BRWD3: variants seen among roughly 807,000 people sequenced by gnomAD.
BRWD3 encodes bromodomain and WD repeat domain containing 3.
Under a neutral mutation model 149.7 loss-of-function variants are expected in BRWD3, and 10 were observed. That is an observed-to-expected ratio of 0.07 (90% CI 0.04 to 0.11). The LOEUF (loss-of-function observed/expected upper bound fraction) is 0.11. BRWD3 is among the 10% of genes least tolerant of loss of function. BRWD3 has a pLI of 1.00. For synonymous variants in BRWD3, 504 were observed against 456.7 expected (o/e 1.10, Z -1.32); for missense variants, 940 against 1,373.2 (o/e 0.68, Z 4.99).
chrX:80,791,309 C>T (rs758389387), intron 6 of BRWD3, among the ~76,000 whole-genome samples: 35 of 111,193 alleles, frequency 3.1e-4, no homozygotes, highest in Non-Finnish European at 2.5e-4. Flanking sequence ...TTTGTGAGGG[C>T]GAACTTTAAT....
chrX:80,774,575 T>C (rs1207507358), intron 6 of BRWD3, among the ~76,000 whole-genome samples: 1 of 111,820 alleles, frequency 8.9e-6, no homozygotes, highest in Non-Finnish European at 1.9e-5. Context: ...GCCTACATTT[T>C]CAACTACCTA....
chrX:80,769,680 G>A (rs772128420), intron 6 of BRWD3, among the ~76,000 whole-genome samples: 1 of 109,658 alleles, frequency 9.1e-6, no homozygotes, highest in East Asian at 2.9e-4. Context: ...ACAATTAAAA[G>A]AACTAGAGAA....
chrX:80,749,499 A>T (rs886406861), intron 6 of BRWD3, among the ~76,000 whole-genome samples: 2 of 111,599 alleles, frequency 1.8e-5, no homozygotes, highest in African/African-American at 6.5e-5. Flanking sequence ...TATAAAGAAA[A>T]CTACTCCTGT....
At position 80,671,017 on chromosome X, in the gene BRWD3, T is replaced by C. The variant is rs1172890633; in HGVS notation, c.*5592A>G. On this transcript the variant is annotated 3_prime_UTR_variant, in exon 41 of 41. Transcript: ENST00000373275. ...GTAACTATATAGTTATGAATGTTCC[T>C]GTTAGAGCATTCAGATCATCTCACC... The C allele has an allele frequency of 1.8e-5, 2 of 111,355 alleles. No homozygotes were observed. The highest frequency in any genetic ancestry group is 6.5e-5 in the African/African-American group (2 of 30,614). The allele number at this position is 111,355 out of a possible 1,213,427, so 9.2% of individuals were successfully genotyped here.
chrX:80,802,911 C>T (rs765060478), intron 4 of BRWD3, among the ~76,000 whole-genome samples: 1 of 110,544 alleles, frequency 9.0e-6, no homozygotes, highest in Admixed American at 9.7e-5. Context: ...CGAGACCATC[C>T]TGGCTAACAC....
At chrX:80,740,579 T>C (rs900892245) in intron 8 of BRWD3, among the ~76,000 whole-genome samples, 1 of 111,231 alleles carries the variant, frequency 9.0e-6, no homozygotes. Flanking sequence ...AATCCCTGTC[T>C]CTACAAAAAA....
rs377019073 is a variant in BRWD3, at chrX:80,707,538, T to C, written c.2476-35A>G. On this transcript the variant is annotated intron_variant, in intron 21 of 40. Coordinates refer to ENST00000373275, the MANE Select transcript of BRWD3 (RefSeq NM_153252.5). ...AGAGCCAGCAATTAAGATATATGGA[T>C]ATTACCAGCTAATGTATTTCTAATT... 18 of 1,134,081 alleles carry C rather than the reference T, an allele frequency of 1.6e-5. No homozygotes were observed. The African/African-American group carries it at 1.6e-4, about 10-fold the overall frequency. The allele number at this position is 1,134,081 out of a possible 1,213,427, so 93.5% of individuals were successfully genotyped here.
In BRWD3 at chrX:80,793,635, T is replaced by C. The variant is rs775094050; in HGVS notation, c.318A>G (p.Leu106=). Residue 106 remains leucine, a synonymous_variant, in exon 5 of 41, where the codon CTA becomes CTG. Transcript: ENST00000373275. ...TGAAAATCTCACCTTTGGCATCCCG[T>C]AGCAGAGACTGCCGACCAACACCTA... The part of the protein sequence containing the change: ...TLLGVGRQSL[L]RDAKDCKSTL... 2 of 1,210,693 alleles carry C rather than the reference T, an allele frequency of 1.7e-6. No homozygotes were observed. The highest frequency in any genetic ancestry group is 4.4e-5 in the Admixed American group (2 of 45,919).
chrX:80,800,742 C>A (rs1369688030), intron 4 of BRWD3, among the ~76,000 whole-genome samples: 1 of 109,425 alleles, frequency 9.1e-6, no homozygotes, highest in Non-Finnish European at 1.9e-5. Context: ...AGTGAAAAAC[C>A]GGGCAGGGGA....
chrX:80,744,551 T>G (rs1250670919), intron 7 of BRWD3, among the ~76,000 whole-genome samples: 2 of 112,520 alleles, frequency 1.8e-5, no homozygotes, highest in Non-Finnish European at 3.8e-5. Context: ...TTAAGTATTT[T>G]TACCATCATT....
intron 6 of BRWD3, among the ~76,000 whole-genome samples, chrX:80,761,922 C>T (rs1359397050): frequency 6.3e-5 from 7 of 111,518 alleles, no homozygotes; most frequent in Non-Finnish European, 1.3e-4. Flanking sequence ...GACTCAACCA[C>T]ATGAAGACAC....
intron 18 of BRWD3, 33 bp downstream of exon 18, chrX:80,719,456 A>C: frequency 8.7e-7 from 1 of 1,152,114 alleles, no homozygotes; most frequent in Non-Finnish European, 1.2e-6. Context: ...ACAGTACATA[A>C]ACTACACCCT....
rs780570868 is a variant in BRWD3 at position 80,682,588 on chromosome X, C to T, written c.4274G>A (p.Ser1425Asn). The T allele has an allele frequency of 8.3e-7, 1 of 1,209,164 alleles. No individual in the cohort carries two copies. ...TTCAGAGATGATATTTTTGATATGA[C>T]TTTCAAATAAGGCAGATAATCGCAG... ...MMLRLSALFESHIKNIISEYK... is the reference protein window; with the variant it reads ...MMLRLSALFENHIKNIISEYK... Residue 1425 changes from serine to asparagine, a missense_variant, in exon 38 of 41, where the codon AGT becomes AAT. Coordinates refer to ENST00000373275, the MANE Select transcript of BRWD3 (RefSeq NM_153252.5).
intron 4 of BRWD3, among the ~76,000 whole-genome samples, chrX:80,803,697 T>C (rs1382191050): frequency 2.7e-5 from 3 of 112,200 alleles, no homozygotes; most frequent in South Asian, 3.6e-4. Flanking sequence ...TGATATCCCA[T>C]GATGCATCCT....
At chrX:80,771,890 G>A (rs1392135384) in intron 6 of BRWD3, among the ~76,000 whole-genome samples, 3 of 111,887 alleles carry the variant, frequency 2.7e-5, no homozygotes, top group Non-Finnish European at 5.6e-5. Context: ...CTGGCCATCA[G>A]AGAAATGCAA....
chrX:80,696,519 T>TACACACACAC (rs560341387), intron 26 of BRWD3, among the ~76,000 whole-genome samples: 51 of 82,176 alleles, frequency 6.2e-4, no homozygotes, highest in African/African-American at 1.9e-3. Flanking sequence ...ATAACATAAA[T>TACACACACAC]ACACACACAC....
chrX:80,772,628 T>C (rs1184344602), intron 6 of BRWD3, among the ~76,000 whole-genome samples: 2 of 110,127 alleles, frequency 1.8e-5, no homozygotes, highest in Non-Finnish European at 3.8e-5. Flanking sequence ...TAAAAAAAAA[T>C]AAATGATCCT....
chrX:80,730,114 C>T (rs2073304312), intron 12 of BRWD3, 94 bp from the exon 13 acceptor site: 1 of 560,854 alleles, frequency 1.8e-6, no homozygotes, highest in African/African-American at 2.3e-5. Flanking sequence ...TCACATACTA[C>T]TGAGGGGAAT....
intron 20 of BRWD3, among the ~76,000 whole-genome samples, chrX:80,711,190 G>T (rs1399682712): frequency 9.0e-6 from 1 of 111,468 alleles, no homozygotes; most frequent in Non-Finnish European, 1.9e-5. Flanking sequence ...TATATAAGTG[G>T]ATTTAATAAT....
Sources: gnomAD v4.1 joint callset for allele counts (sites outside exome capture counted in the v4.1 genomes callset) on GRCh38, gnomAD v4.1.1 for gene constraint, MANE v1.5 for transcripts, NCBI Gene and HGNC (gene_info 2026-07-23, HGNC 2026-07-21) for gene names.